Variants in NPAS3 observed in about 807,000 individuals in gnomAD.
NPAS3 encodes the protein neuronal PAS domain-containing protein 3.
Under a neutral mutation model 73.1 loss-of-function variants are expected in NPAS3, and 14 were observed. The ratio of observed to expected loss-of-function variants is 0.19; its 90% CI spans 0.13 to 0.30. NPAS3 has a LOEUF of 0.30. Among genes scored for constraint, NPAS3 ranks in the 10% least tolerant of loss-of-function variants. The pLI is 1.00. For synonymous variants in NPAS3, 620 were observed against 541.5 expected, an observed-to-expected ratio of 1.14 and a Z score of -2.01; for missense variants, 1,096 against 1,250.0, an observed-to-expected ratio of 0.88 and a Z score of 1.86.
At chr14:33,723,745 A>G (rs2061183390) in intron 6 of NPAS3, among the ~76,000 whole-genome samples, 1 of 151,860 alleles carries the variant, frequency 6.6e-6, no homozygotes, top group African/African-American at 2.4e-5. Context: ...AAAAGAAAAA[A>G]GAAAAGCATT....
intron 4 of NPAS3, among the ~76,000 whole-genome samples, chr14:33,425,620 A>C (rs1057503781): frequency 1.5e-4 from 22 of 150,656 alleles, no homozygotes; most frequent in African/African-American, 4.9e-4. Context: ...CTTCAGTTCC[A>C]CATGACTTCA....
chr14:33,350,110 A>G (rs2044962811), intron 3 of NPAS3, among the ~76,000 whole-genome samples: 1 of 152,206 alleles, frequency 6.6e-6, no homozygotes, highest in Non-Finnish European at 1.5e-5. Flanking sequence ...CTGAAAATTA[A>G]GTAGAGGGTA....
intron 5 of NPAS3, among the ~76,000 whole-genome samples, chr14:33,586,145 A>G (rs2056849443): frequency 6.6e-6 from 1 of 151,622 alleles, no homozygotes; most frequent in South Asian, 2.1e-4. Context: ...TTCTTTGGGG[A>G]TGGGAAAATG....
rs543158718 is a variant in NPAS3, at chr14:33,755,658, G to A, written c.853-18679G>A. ...AGGTTAATGTTAAGATTAGCTGTCT[G>A]GTGTTATTTAATAATATTACTGTCT... On this transcript the variant is annotated intron_variant, in intron 7 of 11. Coordinates refer to ENST00000356141, the Ensembl canonical transcript of NPAS3. 2.6e-5 allele frequency among the ~76,000 whole-genome samples: 4 copies of A among 152,198 alleles called. No homozygotes were observed. In the East Asian group the frequency reaches 7.7e-4, roughly 29 times the overall value.
chr14:33,655,938 A>C (rs1426221818), intron 5 of NPAS3, among the ~76,000 whole-genome samples: 1 of 152,164 alleles, frequency 6.6e-6, no homozygotes. Context: ...AGCAGAAATA[A>C]ATTATGGGAA....
chr14:33,700,845 C>A (rs4287473), intron 6 of NPAS3, among the ~76,000 whole-genome samples: 1 of 152,010 alleles, frequency 6.6e-6, no homozygotes, highest in African/African-American at 2.4e-5. Flanking sequence ...TTCCACCACA[C>A]GTTTAAACCC....
chr14:33,491,255 T>TC (rs1055003796), intron 4 of NPAS3, among the ~76,000 whole-genome samples: 2 of 151,996 alleles, frequency 1.3e-5, no homozygotes, highest in East Asian at 1.9e-4. Flanking sequence ...TTTTTTTTTT[T>TC]CTCAAAGCCT....
At chr14:33,417,833 A>G (rs1026004311) in intron 4 of NPAS3, among the ~76,000 whole-genome samples, 1 of 152,074 alleles carries the variant, frequency 6.6e-6, no homozygotes, top group African/African-American at 2.4e-5. Flanking sequence ...AAATAACTCT[A>G]TTCTTATATC....
intron 2 of NPAS3, among the ~76,000 whole-genome samples, chr14:33,131,909 C>A (rs2043651544): frequency 6.6e-6 from 1 of 152,040 alleles, no homozygotes; most frequent in African/African-American, 2.4e-5. Context: ...GAAAGTGGGA[C>A]AAGTCATGTG....
At chr14:33,655,534 T>C (rs918077911) in intron 5 of NPAS3, among the ~76,000 whole-genome samples, 11 of 152,154 alleles carry the variant, frequency 7.2e-5, no homozygotes, top group African/African-American at 2.7e-4. Flanking sequence ...ACAAAATATA[T>C]GACTGTAAGA....
chr14:33,747,029 G>A (rs932601691), intron 7 of NPAS3, among the ~76,000 whole-genome samples: 1 of 151,996 alleles, frequency 6.6e-6, no homozygotes, highest in African/African-American at 2.4e-5. Context: ...AGTCAGTGTG[G>A]CAATTCCTCA....
At chr14:33,488,742 C>T (rs957040961) in intron 4 of NPAS3, among the ~76,000 whole-genome samples, 3 of 152,112 alleles carry the variant, frequency 2.0e-5, no homozygotes, top group African/African-American at 4.8e-5. Flanking sequence ...GCTTCCCTGC[C>T]GTCTCGCTGG....
intron 6 of NPAS3, among the ~76,000 whole-genome samples, chr14:33,715,668 A>T (rs940796918): frequency 3.9e-5 from 6 of 152,204 alleles, no homozygotes; most frequent in African/African-American, 1.4e-4. Flanking sequence ...TCTGGGCCTC[A>T]GTAAATGTAC....
chr14:33,393,351 T>A lies in NPAS3; in HGVS notation c.468+26083T>A, dbSNP rs376560896. Reference sequence around the variant, plus strand: ...AATAAGGATGTACTACAAAAACAGGTGCCACTGATTCGCATTTTTATGGAT... The same window carrying A: ...AATAAGGATGTACTACAAAAACAGGAGCCACTGATTCGCATTTTTATGGAT... On this transcript the variant is annotated intron_variant, in intron 4 of 11. Coordinates refer to ENST00000356141, the Ensembl canonical transcript of NPAS3. Among the ~76,000 whole-genome samples, 5 of 152,136 alleles carry A rather than the reference T, an allele frequency of 3.3e-5. No homozygotes were observed. In the East Asian group the frequency reaches 7.7e-4, roughly 24 times the overall value.
chr14:33,097,193 C>T (rs1177830135), intron 2 of NPAS3, among the ~76,000 whole-genome samples: 4 of 151,614 alleles, frequency 2.6e-5, no homozygotes, highest in Admixed American at 6.6e-5. Flanking sequence ...GCCTGTGCAA[C>T]GTGGTAAGAC....
chr14:33,167,367 C>G (rs894045080), intron 2 of NPAS3, among the ~76,000 whole-genome samples: 1 of 152,114 alleles, frequency 6.6e-6, no homozygotes, highest in Non-Finnish European at 1.5e-5. Flanking sequence ...AGTTAAGAAC[C>G]AGTGGGCTAG....
In NPAS3 at chr14:33,159,894, G is replaced by C. The variant is rs148434189; in HGVS notation, c.141-55288G>C. Among the ~76,000 whole-genome samples, 339 of 152,100 alleles carry C rather than the reference G, an allele frequency of 2.2e-3. 1 individual carries two copies. The highest frequency in any genetic ancestry group is 4.0e-3 in the Non-Finnish European group (273 of 67,982). On this transcript the variant is annotated intron_variant, in intron 2 of 11. Transcript: ENST00000356141. ...TAGTTTACTATTACCTATAACACCC[G>C]TAAGAAAAATTTTTTACATATAGAA...
chr14:33,519,910 C>A (rs2053482506), intron 4 of NPAS3, among the ~76,000 whole-genome samples: 1 of 152,054 alleles, frequency 6.6e-6, no homozygotes, highest in Admixed American at 6.6e-5. Flanking sequence ...AGGGGCCCAG[C>A]AGATCCCATC....
intron 1 of NPAS3, among the ~76,000 whole-genome samples, chr14:32,964,603 T>C (rs1432613097): frequency 2.0e-5 from 3 of 152,188 alleles, no homozygotes; most frequent in Non-Finnish European, 4.4e-5. Flanking sequence ...GATACATCTG[T>C]TGTAAATAGG....
Sources: allele counts gnomAD v4.1 joint callset (sites outside exome capture counted in the v4.1 genomes callset), GRCh38; gene constraint gnomAD v4.1.1; transcripts MANE v1.5; gene names NCBI Gene and HGNC (gene_info 2026-07-23, HGNC 2026-07-21).